ITGA5: variants seen among roughly 807,000 people sequenced by gnomAD.
ITGA5 encodes integrin subunit alpha 5.
ITGA5 carries 55 observed loss-of-function variants against 146.3 expected under a neutral mutation model. That is an observed-to-expected ratio of 0.38 (90% confidence interval 0.30 to 0.47). ITGA5 has a LOEUF of 0.47. Ranked by LOEUF, ITGA5 falls within the 20% of genes least tolerant of loss-of-function variation. The pLI, the probability that ITGA5 is intolerant of heterozygous loss-of-function variation, is 0.99. For missense variants in ITGA5, 1,131 were observed against 1,329.0 expected, an observed-to-expected ratio of 0.85 and a Z score of 2.32; for synonymous variants, 500 against 531.8, an observed-to-expected ratio of 0.94 and a Z score of 0.82.
intron 15 of ITGA5, 43 bp from the exon 16 acceptor site, chr12:54,404,009 CA>C (rs779861550): frequency 6.2e-7 from 1 of 1,605,252 alleles, no homozygotes; most frequent in Non-Finnish European, 8.5e-7. Context: ...CCAACTGGAA[CA>C]GACATCCTAT....
chr12:54,414,988 A>T (rs905430187), intron 1 of ITGA5, among the ~76,000 whole-genome samples: 5 of 151,910 alleles, frequency 3.3e-5, no homozygotes, highest in African/African-American at 1.2e-4. Context: ...GTCTCTACTA[A>T]AAATACAAAA....
At position 54,401,070 on chromosome 12, in the gene ITGA5, G is replaced by T; in HGVS notation, c.2494-75C>A. 2 of 1,444,988 alleles carry T rather than the reference G, an allele frequency of 1.4e-6. No individual in the cohort carries two copies. Among genetic ancestry groups the T allele is most frequent in the Non-Finnish European group, 1.9e-6 (2 of 1,048,954 alleles). 89.5% of individuals were successfully genotyped at this position (1,444,988 alleles called of 1,614,324 possible). A position where few individuals can be genotyped will look rare whatever the true frequency, so the allele number is the denominator to read the frequency against. ...CCCCATTGAGACCCTGGATCACCAT[G>T]GCTCCACTATACCCTGCTGTCAGGC... On this transcript the variant is annotated intron_variant, in intron 24 of 29. Coordinates refer to ENST00000293379, the MANE Select transcript of ITGA5 (RefSeq NM_002205.5). This position sits in a 1 kb window ranked among gnomAD's most constrained non-coding sequence, Gnocchi z 5.0.
rs747517291 is a variant in ITGA5, at chr12:54,405,219, C to A, written c.1172G>T (p.Arg391Leu). ...LTLTGHDEFG[R>L]FGSSLTPLGD... is the part of the protein sequence containing the mutation. ...CAGGGGGGTCAAGGAGCTGCCAAAT[C>A]GGCCAAACTCATCATGGCCAGTGAG... Residue 391 changes from arginine to leucine, a missense_variant, in exon 12 of 30, where the codon CGA (arginine) becomes CTA (leucine). Arg to Leu is a moderately radical substitution (Grantham distance 102). Coordinates refer to ENST00000293379, the MANE Select transcript of ITGA5 (RefSeq NM_002205.5). 1 of 1,612,502 alleles carries A rather than the reference C, an allele frequency of 6.2e-7. No homozygotes were observed. The highest frequency in any genetic ancestry group is 1.7e-5 in the Admixed American group (1 of 59,900).
intron 19 of ITGA5, 58 bp downstream of exon 19, chr12:54,402,925 A>AT (rs1955807552): frequency 4.8e-6 from 7 of 1,468,624 alleles, no homozygotes; most frequent in Non-Finnish European, 5.7e-6. Flanking sequence ...TCCCTAGCTG[A>AT]TTTTTTCAGG....
chr12:54,415,404 G>T (rs182828095), intron 1 of ITGA5, among the ~76,000 whole-genome samples: 5 of 152,314 alleles, frequency 3.3e-5, no homozygotes, highest in Admixed American at 3.3e-4. Flanking sequence ...CATAAAGGCA[G>T]ACTGGCCTCG....
rs779915783 is a variant in ITGA5, at chr12:54,404,241, C to T, written c.1469G>A (p.Arg490His). 33 of 1,598,424 alleles carry T rather than the reference C, an allele frequency of 2.1e-5. No individual in the cohort carries two copies. Among genetic ancestry groups the T allele is most frequent in the South Asian group, 1.1e-4 (10 of 88,062 alleles). ...GGAGGCACTAGCGGACACGATGGGG[C>T]GGCCCCTGCCAAGAGTGAATGTGGG... is the stretch of plus-strand genomic sequence containing the variant. ...GVDKAVVYRGRPIVSASASLT... is the reference protein window; with the variant it reads ...GVDKAVVYRGHPIVSASASLT... Residue 490 changes from arginine to histidine, a missense_variant, in exon 15 of 30, where the codon CGC (arginine) becomes CAC (histidine). Arg to His is a conservative substitution (Grantham distance 29). Coordinates refer to ENST00000293379, the MANE Select transcript of ITGA5 (RefSeq NM_002205.5).
At chr12:54,413,894 A>G (rs1407291849) in intron 1 of ITGA5, among the ~76,000 whole-genome samples, 1 of 152,242 alleles carries the variant, frequency 6.6e-6, no homozygotes, top group East Asian at 1.9e-4. Flanking sequence ...GCTAAGGCCA[A>G]GGGACCCTAT....
At chr12:54,408,709 CAAAAAAAAAA>C in intron 6 of ITGA5, 37 bp downstream of exon 6, 1 of 1,189,958 alleles carries the variant, frequency 8.4e-7, no homozygotes, top group Non-Finnish European at 1.1e-6. Flanking sequence ...GACTTCGTCT[CAAAAAAAAAA>C]AAAAAAAAAA....
Position 54,403,193 on chromosome 12 carries a change from C to T in ITGA5, c.1908G>A (p.Glu636=), listed in dbSNP as rs780719546. 6.4e-7 allele frequency: 1 copy of T among 1,558,496 alleles called. No homozygotes were observed. The highest frequency in any genetic ancestry group is 1.2e-5 in the South Asian group (1 of 82,078). ...CTCCCTGCCCTGTCCTCACCTTGTC[C>T]TCTATCCGGCTCTTGCTCTGATAAT... The part of the protein sequence containing the change: ...ALHYQSKSRI[E]DKAQILLDCG... Residue 636 remains glutamate (E), a synonymous_variant, in exon 18 of 30, where the codon GAG becomes GAA. Coordinates refer to ENST00000293379, the MANE Select transcript of ITGA5 (RefSeq NM_002205.5). This position sits in a 1 kb window ranked among gnomAD's most constrained non-coding sequence, Gnocchi z 4.9.
At chr12:54,407,583 G>A in intron 9 of ITGA5, 66 bp downstream of exon 9, 1 of 1,372,582 alleles carries the variant, frequency 7.3e-7, no homozygotes, top group Non-Finnish European at 1.0e-6. Context: ...CTTGCAAACT[G>A]CCATGCACGG....
intron 2 of ITGA5, among the ~76,000 whole-genome samples, chr12:54,410,976 C>T (rs181146196): frequency 1.3e-5 from 2 of 152,344 alleles, no homozygotes; most frequent in African/African-American, 4.8e-5. Flanking sequence ...ATCCACCTGC[C>T]TTGGCCTCCC....
chr12:54,399,709 A>G lies in ITGA5; in HGVS notation c.2777T>C (p.Leu926Pro). Residue 926 changes from leucine (L) to proline (P), a missense_variant, in exon 27 of 30, where the codon CTG becomes CCG. Coordinates refer to ENST00000293379, the MANE Select transcript of ITGA5 (RefSeq NM_002205.5). ...CFRLRCELGP[L>P]HQQESQSLQL... ...CAGACTTTGGCTCTCTTGTTGGTGC[A>G]GGGGCCCGAGCTCACAGCGCAGCCT... 1 of 1,614,196 alleles carries G rather than the reference A, an allele frequency of 6.2e-7. No individual in the cohort carries two copies. The highest frequency in any genetic ancestry group is 1.1e-5 in the South Asian group (1 of 91,080).
intron 29 of ITGA5, among the ~76,000 whole-genome samples, chr12:54,396,638 T>C (rs1041997371): frequency 6.6e-6 from 1 of 152,210 alleles, no homozygotes; most frequent in African/African-American, 2.4e-5. Context: ...GGCAGATAGG[T>C]TTGAACTCAA....
Position 54,403,901 on chromosome 12 carries a change from T to C in ITGA5, c.1621+10A>G. 1 of 1,613,816 alleles carries C rather than the reference T, an allele frequency of 6.2e-7. No homozygotes were observed. The highest frequency in any genetic ancestry group is 8.5e-7 in the Non-Finnish European group (1 of 1,179,718). On this transcript the variant is annotated intron_variant, in intron 16 of 29. Coordinates refer to ENST00000293379, the MANE Select transcript of ITGA5 (RefSeq NM_002205.5). The surrounding 1 kb of genome is among the most constrained non-coding windows in gnomAD (Gnocchi z 4.9). The stretch of plus-strand genomic sequence containing the variant: ...CCTAGGGCCTGAGAGATCCAGGCAG[T>C]CTCCCTCACCAATGGAGTCAGCAAC...
rs1198496120 is a variant in ITGA5, at chr12:54,407,641, G to T, written c.906+8C>A. ...GGAGAGGAAGTGAGGGGTCAGGCTG[G>T]GTCTTACATAGCCGTAAGTGAGGTT... On this transcript the variant is annotated splice_region_variant and intron_variant, in intron 9 of 29. Coordinates refer to ENST00000293379, the MANE Select transcript of ITGA5 (RefSeq NM_002205.5). 1 of 1,610,356 alleles carries T rather than the reference G, an allele frequency of 6.2e-7. No homozygotes were observed. The highest frequency in any genetic ancestry group is 2.2e-5 in the East Asian group (1 of 44,866).
intron 1 of ITGA5, among the ~76,000 whole-genome samples, chr12:54,417,854 C>T (rs1956026768): frequency 1.3e-5 from 2 of 152,158 alleles, no homozygotes. Flanking sequence ...CCACCTACCT[C>T]TCTTGCTTCC....
intron 9 of ITGA5, among the ~76,000 whole-genome samples, chr12:54,406,639 A>G (rs1034701085): frequency 2.0e-5 from 3 of 152,070 alleles, no homozygotes; most frequent in Non-Finnish European, 2.9e-5. Context: ...CAACCTTTCC[A>G]TATTCTACTC....
rs1490937579 is a variant in ITGA5, at chr12:54,404,147, G to A, written c.1563C>T (p.Ala521=). 10 of 1,582,332 alleles carry A rather than the reference G, an allele frequency of 6.3e-6. No homozygotes were observed. Among genetic ancestry groups the A allele is most frequent in the Non-Finnish European group, 7.7e-6 (9 of 1,164,240 alleles). ...CAATTTCCTGGGCACCAGCTCACCA[G>A]GCCACAGGGTTCCCCTCTAAGCTGC... is the stretch of plus-strand genomic sequence containing the variant. ...RSCSLEGNPV[A]CINLSFCLNA... The change falls in exon 15 of 30, where the codon GCC becomes GCT. Residue 521 remains alanine, a splice_region_variant and synonymous_variant. Transcript: ENST00000293379.
chr12:54,402,028 C>G lies in ITGA5; in HGVS notation c.2199G>C (p.Leu733=). 2 of 1,614,184 alleles carry G rather than the reference C, an allele frequency of 1.2e-6. No homozygotes were observed. The highest frequency in any genetic ancestry group is 1.7e-4 in the Middle Eastern group (1 of 6,058). Residue 733 remains leucine, a synonymous_variant, in exon 21 of 30, where the codon CTG becomes CTC. Transcript: ENST00000293379. ...VNQSRLLVCD[L]GNPMKAGASL... is the part of the protein sequence containing the mutation. ...TGGCTCCTGCCTTCATGGGGTTGCC[C>G]AGGTCACACACCAGCAGGCGGCTCT...
Sources: gnomAD v4.1 joint callset for allele counts (sites outside exome capture counted in the v4.1 genomes callset) on GRCh38, gnomAD v4.1.1 for gene constraint, Gnocchi (gnomAD v3.1) non-coding constraint, MANE v1.5 for transcripts, NCBI Gene and HGNC (gene_info 2026-07-23, HGNC 2026-07-21) for gene names.